MLPH: variants seen among roughly 807,000 people sequenced by gnomAD.
MLPH encodes the protein melanophilin.
In MLPH, 51 loss-of-function variants were observed where a neutral mutation model predicts 72.1. That is an observed-to-expected ratio of 0.71 (90% CI 0.56 to 0.89). The LOEUF is 0.89. Ranked by LOEUF, MLPH falls within the 40% of genes least tolerant of loss-of-function variation. MLPH has a pLI of 0.00. For synonymous variants in MLPH, 301 were observed against 310.1 expected, an observed-to-expected ratio of 0.97 and a Z score of 0.31; for missense variants, 743 against 759.9, an observed-to-expected ratio of 0.98 and a Z score of 0.26.
At chr2:237,552,855 CT>C (rs923142895) in intron 15 of MLPH, among the ~76,000 whole-genome samples, 26 of 151,940 alleles carry the variant, frequency 1.7e-4, no homozygotes, top group African/African-American at 5.6e-4. Context: ...GCGTTCACCC[CT>C]GTGTGTGTGT....
At chr2:237,549,695 C>T (rs2080994036) in intron 14 of MLPH, among the ~76,000 whole-genome samples, 3 of 152,162 alleles carry the variant, frequency 2.0e-5, no homozygotes. Flanking sequence ...TGGCCGGGCT[C>T]TTGGGGTATC....
intron 7 of MLPH, 90 bp from the exon 8 acceptor site, chr2:237,527,287 T>C (rs1559360008): frequency 2.0e-6 from 3 of 1,532,972 alleles, no homozygotes; most frequent in South Asian, 1.1e-5. Context: ...TTCATTTTCT[T>C]TGAGCCTCAT....
At chr2:237,552,100 G>A (rs1365314592) in intron 14 of MLPH, 1 of 500,760 alleles carries the variant, frequency 2.0e-6, no homozygotes, top group Non-Finnish European at 3.6e-6. Context: ...CAGGGCCACA[G>A]TGAGGAAGAA....
rs1319280548 is a variant in MLPH, at chr2:237,540,507, G to A, written c.1264G>A (p.Gly422Arg). The change falls in exon 10 of 16, where the codon GGG becomes AGG. Residue 422 changes from glycine (G) to arginine (R), a missense_variant. Physicochemically the swap from Gly to Arg is moderately radical, Grantham distance 125. Coordinates refer to ENST00000264605, the MANE Select transcript of MLPH (RefSeq NM_024101.7). ...KAEPNRDKSV[G>R]PLPQADPEVG... ...AGAGCCCAACAGGGACAAATCAGTTGGGCCTCTCCCCCAGGCGGACCCGGA... is the reference window on the plus strand; with the variant it reads ...AGAGCCCAACAGGGACAAATCAGTTAGGCCTCTCCCCCAGGCGGACCCGGA... The A allele has an allele frequency of 6.2e-7, 1 of 1,612,192 alleles. No individual in the cohort carries two copies. Among genetic ancestry groups the A allele is most frequent in the East Asian group, 2.2e-5 (1 of 44,878 alleles).
intron 2 of MLPH, among the ~76,000 whole-genome samples, chr2:237,506,469 T>A (rs1174809784): frequency 6.6e-6 from 1 of 152,144 alleles, no homozygotes; most frequent in African/African-American, 2.4e-5. Context: ...AAAAACCAAG[T>A]TCCTCGAGTG....
chr2:237,535,375 G>C (rs1283395597), intron 9 of MLPH, among the ~76,000 whole-genome samples: 1 of 152,056 alleles, frequency 6.6e-6, no homozygotes, highest in African/African-American at 2.4e-5. Flanking sequence ...TTGCACTGGG[G>C]ATCGAGTTCC....
intron 11 of MLPH, 103 bp from the exon 12 acceptor site, chr2:237,542,464 G>C (rs1203198439): frequency 4.4e-6 from 4 of 899,190 alleles, no homozygotes; most frequent in Non-Finnish European, 7.2e-6. Context: ...AGTAAAATTG[G>C]CTCCAGGACT....
intron 7 of MLPH, among the ~76,000 whole-genome samples, chr2:237,526,540 GA>G (rs1574874348): frequency 6.6e-6 from 1 of 152,142 alleles, no homozygotes; most frequent in African/African-American, 2.4e-5. Context: ...ATGATTAAAT[GA>G]ATCTACTTTG....
chr2:237,511,013 G>A lies in MLPH; in HGVS notation c.357G>A (p.Glu119=), dbSNP rs773359777. Residue 119 remains glutamate (E), a synonymous_variant, in exon 4 of 16, where the codon GAG becomes GAA. Coordinates refer to ENST00000264605, the MANE Select transcript of MLPH (RefSeq NM_024101.7). ...GAGTCGTGAAGATCGGCTCACTGGA[G>A]TGGTACTATGAGCATGTGAAAGCCC... The part of the protein sequence containing the change: ...LARVVKIGSL[E]WYYEHVKARF... The A allele has an allele frequency of 2.5e-6, 4 of 1,613,846 alleles. No homozygotes were observed. The African/African-American group carries it at 5.3e-5, about 22-fold the overall frequency.
intron 4 of MLPH, among the ~76,000 whole-genome samples, chr2:237,514,028 A>G (rs1430234393): frequency 6.6e-6 from 1 of 152,198 alleles, no homozygotes; most frequent in African/African-American, 2.4e-5. Flanking sequence ...CCACAGATGC[A>G]GGGAAATTGT....
intron 1 of MLPH, among the ~76,000 whole-genome samples, chr2:237,490,000 G>C (rs367628345): frequency 6.6e-6 from 1 of 152,214 alleles, no homozygotes; most frequent in Non-Finnish European, 1.5e-5. Context: ...AAGGCTGGCT[G>C]TCTCCAATGT....
At chr2:237,545,544 A>G in intron 12 of MLPH, 1 of 1,288,706 alleles carries the variant, frequency 7.8e-7, no homozygotes, top group South Asian at 1.2e-5. Context: ...GAGCCGCCTG[A>G]ATCATGTTGC....
chr2:237,541,924 A>G lies in MLPH; in HGVS notation c.1447-643A>G, dbSNP rs1027051516. On this transcript the variant is annotated intron_variant, in intron 11 of 15. Coordinates refer to ENST00000264605, the MANE Select transcript of MLPH (RefSeq NM_024101.7). This position sits in a 1 kb window ranked among gnomAD's most constrained non-coding sequence, Gnocchi z 5.1. ...GAAAGTAAGCCAGCCTGGCAAATCCAGGGGGCAGGAGGCCGGGTGGAGGGA... is the reference window on the plus strand; with the variant it reads ...GAAAGTAAGCCAGCCTGGCAAATCCGGGGGGCAGGAGGCCGGGTGGAGGGA... Among the ~76,000 whole-genome samples, 5 of 152,208 alleles carry G rather than the reference A, an allele frequency of 3.3e-5. No individual in the cohort carries two copies. Among genetic ancestry groups the G allele is most frequent in the African/African-American group, 7.2e-5 (3 of 41,464 alleles).
chr2:237,497,858 G>C (rs891561830), intron 2 of MLPH, among the ~76,000 whole-genome samples: 4 of 152,154 alleles, frequency 2.6e-5, no homozygotes, highest in African/African-American at 9.7e-5. Flanking sequence ...TCTGCTCCCG[G>C]TCACCGAGTC....
Position 237,500,731 on chromosome 2 carries a change from G to A in MLPH, c.110+7195G>A, listed in dbSNP as rs192490717. ...ATCTTGGATGCAGGCTGTTGCCAAAGTTAAGTTCCCAGGACTCATGGCTGT... is the reference window on the plus strand; with the variant it reads ...ATCTTGGATGCAGGCTGTTGCCAAAATTAAGTTCCCAGGACTCATGGCTGT... On this transcript the variant is annotated intron_variant, in intron 2 of 15. Transcript: ENST00000264605. Among the ~76,000 whole-genome samples the A allele has an allele frequency of 4.9e-4, 75 of 152,138 alleles. No individual in the cohort carries two copies. The Middle Eastern group carries it at 0.014, about 28-fold the overall frequency.
chr2:237,528,272 T>G (rs559565264), intron 8 of MLPH, among the ~76,000 whole-genome samples: 1 of 152,290 alleles, frequency 6.6e-6, no homozygotes, highest in African/African-American at 2.4e-5. Flanking sequence ...TTTTTATATG[T>G]ATTTTATAAT....
At chr2:237,490,678 C>CT (rs371220674) in intron 1 of MLPH, among the ~76,000 whole-genome samples, 8 of 151,888 alleles carry the variant, frequency 5.3e-5, no homozygotes, top group Non-Finnish European at 1.0e-4. Context: ...CTTATGATCC[C>CT]TTTTTTTTCA....
intron 13 of MLPH, 139 bp downstream of exon 13, chr2:237,546,822 G>A: frequency 2.6e-6 from 2 of 762,544 alleles, no homozygotes; most frequent in Non-Finnish European, 2.3e-6. Context: ...CCACACAGCT[G>A]CCACAACACC....
rs552667107 is a variant in MLPH, at chr2:237,525,804, C to T, written c.879C>T (p.Leu293=). ...HRMALGTAAA[L]GSNVIRNEQL... ...TGGCCCTGGGGACTGCTGCTGCACT[C>T]GGTAGGTGCCCTTGGCCAGGGTCTT... The change falls in exon 7 of 16, where the codon CTC becomes CTT. Residue 293 remains leucine (L), a splice_region_variant and synonymous_variant. Transcript: ENST00000264605. 89 of 1,611,070 alleles carry T rather than the reference C, an allele frequency of 5.5e-5. No individual in the cohort carries two copies. The highest frequency in any genetic ancestry group is 6.7e-5 in the African/African-American group (5 of 74,916).
Sources: allele counts gnomAD v4.1 joint callset (sites outside exome capture counted in the v4.1 genomes callset), GRCh38; gene constraint gnomAD v4.1.1; non-coding constraint Gnocchi (gnomAD v3.1); transcripts MANE v1.5; gene names NCBI Gene and HGNC (gene_info 2026-07-23, HGNC 2026-07-21).